The following PTPRN2 variants were observed in gnomAD, a reference collection of about 807,000 sequenced individuals.
The protein encoded by PTPRN2 is protein tyrosine phosphatase receptor type N2.
Under a neutral mutation model 118.8 loss-of-function variants are expected in PTPRN2, and 74 were observed. The ratio of observed to expected loss-of-function variants is 0.62; its 90% CI spans 0.52 to 0.76. The LOEUF (loss-of-function observed/expected upper bound fraction) is 0.76, where lower values mean the gene tolerates loss of function less well. PTPRN2 is among the 30% of genes least tolerant of loss of function. The pLI is 0.00. For synonymous variants in PTPRN2, 641 were observed against 608.0 expected (o/e 1.05, Z -0.80); for missense variants, 1,481 against 1,394.4 (o/e 1.06, Z -0.99).
chr7:158,164,587 TTC>T (rs1255861936), intron 6 of PTPRN2, among the ~76,000 whole-genome samples: 1 of 152,078 alleles, frequency 6.6e-6, no homozygotes. Flanking sequence ...ATGCGTCCTA[TTC>T]TCTCTGTGAG....
intron 2 of PTPRN2, among the ~76,000 whole-genome samples, chr7:158,322,714 A>G (rs554974672): frequency 6.6e-6 from 1 of 152,376 alleles, no homozygotes; most frequent in Admixed American, 6.5e-5. Flanking sequence ...CCACTCAAGC[A>G]GATTGTGCAG....
intron 12 of PTPRN2, among the ~76,000 whole-genome samples, chr7:157,804,681 G>A (rs1222437577): frequency 1.3e-5 from 2 of 152,154 alleles, no homozygotes; most frequent in Non-Finnish European, 2.9e-5. Flanking sequence ...TCTCCCCTCT[G>A]ACCCTTCTCG....
chr7:157,906,936 C>T (rs761101217), intron 11 of PTPRN2, among the ~76,000 whole-genome samples: 1 of 152,178 alleles, frequency 6.6e-6, no homozygotes, highest in Non-Finnish European at 1.5e-5. Context: ...ACATCAAACA[C>T]GTGCAGTGAC....
At chr7:158,067,302 G>A (rs1225440382) in intron 11 of PTPRN2, among the ~76,000 whole-genome samples, 1 of 152,222 alleles carries the variant, frequency 6.6e-6, no homozygotes, top group Non-Finnish European at 1.5e-5. Context: ...CTTCCCTGCC[G>A]CTGCTCCGGC....
chr7:157,720,108 C>T (rs910361579), intron 12 of PTPRN2, among the ~76,000 whole-genome samples: 16 of 152,190 alleles, frequency 1.1e-4, no homozygotes, highest in African/African-American at 3.9e-4. Context: ...GCTGGGGTGT[C>T]AGATATTCGC....
At chr7:158,241,653 C>T (rs1346191672) in intron 3 of PTPRN2, among the ~76,000 whole-genome samples, 1 of 152,142 alleles carries the variant, frequency 6.6e-6, no homozygotes, top group Non-Finnish European at 1.5e-5. Context: ...GTGTTCACGC[C>T]CTGTTTTGGG....
intron 2 of PTPRN2, among the ~76,000 whole-genome samples, chr7:158,357,989 CTCTT>C (rs1158748891): frequency 2.6e-5 from 4 of 152,358 alleles, no homozygotes; most frequent in African/African-American, 9.6e-5. Context: ...CTCTGTTTCT[CTCTT>C]TCTGTCTCTG....
chr7:158,454,687 A>C lies in PTPRN2; in HGVS notation c.163+35048T>G, dbSNP rs548283985. Among the ~76,000 whole-genome samples, 460 of 152,346 alleles carry C rather than the reference A, an allele frequency of 3.0e-3. 5 individuals carry two copies. The highest frequency in any genetic ancestry group is 0.01 in the African/African-American group (421 of 41,572). Reference sequence around the variant, plus strand: ...CAAGACACAACACACACAATCACTGATGTCAGGATTGGGGATGGTTGCTAT... The same window carrying C: ...CAAGACACAACACACACAATCACTGCTGTCAGGATTGGGGATGGTTGCTAT... On this transcript the variant is annotated intron_variant, in intron 2 of 22. Transcript: ENST00000389418.
intron 11 of PTPRN2, among the ~76,000 whole-genome samples, chr7:158,061,271 C>T (rs1050339830): frequency 6.6e-6 from 1 of 152,256 alleles, no homozygotes; most frequent in Non-Finnish European, 1.5e-5. Flanking sequence ...CTGATGTGCA[C>T]AAAGGACCCA....
chr7:158,116,897 C>T (rs1816769621), intron 9 of PTPRN2, among the ~76,000 whole-genome samples: 1 of 152,098 alleles, frequency 6.6e-6, no homozygotes, highest in South Asian at 2.1e-4. Context: ...TGATCCTTGG[C>T]ACAAAGACAG....
chr7:158,338,661 G>A (rs1172517880), intron 2 of PTPRN2, among the ~76,000 whole-genome samples: 4 of 30,476 alleles, frequency 1.3e-4, no homozygotes, highest in Admixed American at 3.0e-4. Context: ...GCCTGCAGAC[G>A]TCACTCACGT....
chr7:157,775,689 C>T (rs1443674267), intron 12 of PTPRN2, among the ~76,000 whole-genome samples: 10 of 152,168 alleles, frequency 6.6e-5, no homozygotes, highest in South Asian at 4.1e-4. Context: ...AAGGGCAGGA[C>T]GGAGCCTGGA....
intron 12 of PTPRN2, among the ~76,000 whole-genome samples, chr7:157,691,905 A>G (rs562293744): frequency 6.6e-6 from 1 of 151,026 alleles, no homozygotes; most frequent in East Asian, 2.0e-4. Flanking sequence ...CAGGCCCTGG[A>G]CCCCGGGCCA....
chr7:157,802,187 C>A (rs933798162), intron 12 of PTPRN2, among the ~76,000 whole-genome samples: 3 of 152,212 alleles, frequency 2.0e-5, no homozygotes, highest in African/African-American at 7.2e-5. Flanking sequence ...GTCGAGACCG[C>A]GTTGAGGCCG....
At chr7:158,326,144 C>T (rs1013112055) in intron 2 of PTPRN2, among the ~76,000 whole-genome samples, 5 of 152,218 alleles carry the variant, frequency 3.3e-5, no homozygotes, top group East Asian at 1.9e-4. Flanking sequence ...AGCACAGCCG[C>T]CTCTCATGAA....
intron 11 of PTPRN2, among the ~76,000 whole-genome samples, chr7:157,979,189 G>A (rs1802957829): frequency 6.6e-6 from 1 of 151,958 alleles, no homozygotes. Context: ...GATGGCTAAT[G>A]AATGTCTGCT....
At chr7:158,150,057 A>G (rs1291027805) in intron 6 of PTPRN2, among the ~76,000 whole-genome samples, 1 of 152,220 alleles carries the variant, frequency 6.6e-6, no homozygotes, top group Non-Finnish European at 1.5e-5. Context: ...GAATGATAAG[A>G]AAACAGAGTC....
Position 157,871,413 on chromosome 7 carries a change from G to A in PTPRN2, c.1788+27260C>T, listed in dbSNP as rs1046068579. On this transcript the variant is annotated intron_variant, in intron 12 of 22. Transcript: ENST00000389418. ...GTTCTGCTTATGGGAAAGGGCAGGC[G>A]TGACCTCTGAGAGAACTTGTAAGAT... is the stretch of plus-strand genomic sequence containing the variant. 7.9e-5 allele frequency among the ~76,000 whole-genome samples: 12 copies of A among 152,104 alleles called. No individual in the cohort carries two copies. The East Asian group carries it at 1.7e-3, about 22-fold the overall frequency.
At chr7:158,468,466 G>A (rs1017180372) in intron 2 of PTPRN2, among the ~76,000 whole-genome samples, 7 of 152,198 alleles carry the variant, frequency 4.6e-5, no homozygotes, top group Non-Finnish European at 8.8e-5. Flanking sequence ...CAAAGCCTGG[G>A]TCCCGCCCCC....
Sources: gnomAD v4.1 joint callset for allele counts (sites outside exome capture counted in the v4.1 genomes callset) on GRCh38, gnomAD v4.1.1 for gene constraint, MANE v1.5 for transcripts, NCBI Gene and HGNC (gene_info 2026-07-23, HGNC 2026-07-21) for gene names.